Variants in BNC2 observed in about 807,000 individuals in gnomAD.
BNC2 encodes zinc finger protein basonuclin-2.
BNC2 carries 20 observed loss-of-function variants against 76.3 expected under a neutral mutation model. That is an observed-to-expected ratio of 0.26 (90% CI 0.18 to 0.38). BNC2 has a LOEUF of 0.38. BNC2 is among the 10% of genes least tolerant of loss of function. BNC2 has a pLI of 1.00. For missense variants in BNC2, 1,382 were observed against 1,399.8 expected, an observed-to-expected ratio of 0.99 and a Z score of 0.20; for synonymous variants, 582 against 514.8, an observed-to-expected ratio of 1.13 and a Z score of -1.77.
At chr9:16,713,398 G>C (rs969006654) in intron 3 of BNC2, among the ~76,000 whole-genome samples, 1 of 150,466 alleles carries the variant, frequency 6.6e-6, no homozygotes, top group African/African-American at 2.4e-5. Flanking sequence ...ACTGAACTGG[G>C]AAATTTTTCA....
At chr9:16,499,050 G>C (rs894159686) in intron 5 of BNC2, among the ~76,000 whole-genome samples, 1 of 140,732 alleles carries the variant, frequency 7.1e-6, no homozygotes, top group African/African-American at 3.0e-5. Flanking sequence ...GGTATGTTCA[G>C]CACTTACAAC....
chr9:16,659,377 A>T (rs1403139362), intron 3 of BNC2, among the ~76,000 whole-genome samples: 1 of 152,048 alleles, frequency 6.6e-6, no homozygotes, highest in Non-Finnish European at 1.5e-5. Flanking sequence ...TGGGGGGCCG[A>T]GGTGGGCAGA....
At chr9:16,612,265 G>A (rs930390383) in intron 3 of BNC2, among the ~76,000 whole-genome samples, 5 of 151,988 alleles carry the variant, frequency 3.3e-5, no homozygotes, top group African/African-American at 1.2e-4. Flanking sequence ...TAATAGAATG[G>A]GCAACTAATT....
At chr9:16,521,760 A>G (rs1392064268) in intron 5 of BNC2, among the ~76,000 whole-genome samples, 1 of 152,198 alleles carries the variant, frequency 6.6e-6, no homozygotes, top group Non-Finnish European at 1.5e-5. Context: ...GTTAAATTGG[A>G]TTACTGAGTT....
At chr9:16,703,114 G>A (rs1823563758) in intron 3 of BNC2, among the ~76,000 whole-genome samples, 1 of 152,010 alleles carries the variant, frequency 6.6e-6, no homozygotes, top group Non-Finnish European at 1.5e-5. Context: ...TTCCCCTCTT[G>A]GATTATGAAA....
At chr9:16,678,417 G>A (rs1392203184) in intron 3 of BNC2, among the ~76,000 whole-genome samples, 2 of 151,162 alleles carry the variant, frequency 1.3e-5, no homozygotes, top group African/African-American at 2.4e-5. Context: ...ACAGGCACAC[G>A]CCACCATGCC....
chr9:16,566,242 TAA>T (rs1429352542), intron 4 of BNC2, among the ~76,000 whole-genome samples: 1 of 152,164 alleles, frequency 6.6e-6, no homozygotes, highest in East Asian at 1.9e-4. Context: ...ACAAAATCAC[TAA>T]AGAGTGTTGA....
chr9:16,583,407 T>C (rs555938863), intron 3 of BNC2, among the ~76,000 whole-genome samples: 62 of 152,266 alleles, frequency 4.1e-4, no homozygotes, highest in Non-Finnish European at 5.9e-4. Flanking sequence ...AAAAAGTATA[T>C]TGCTGCTAAT....
chr9:16,800,178 T>C (rs1164968943), intron 1 of BNC2, among the ~76,000 whole-genome samples: 4 of 151,392 alleles, frequency 2.6e-5, no homozygotes, highest in Non-Finnish European at 4.4e-5. Context: ...TGAGCCGAGA[T>C]TGCACCACTG....
At chr9:16,757,487 T>C (rs193288228) in intron 1 of BNC2, among the ~76,000 whole-genome samples, 91 of 152,314 alleles carry the variant, frequency 6.0e-4, no homozygotes, top group African/African-American at 2.1e-3. Flanking sequence ...CTGTCGAACA[T>C]GACAGAAATC....
intron 1 of BNC2, among the ~76,000 whole-genome samples, chr9:16,765,522 A>T (rs1928850): frequency 0.91 from 139,105 of 152,190 alleles, 63,600 homozygotes; most frequent in East Asian, 0.99. Context: ...TTAGAAAAGC[A>T]GAAATAATTT....
At chr9:16,681,533 A>C (rs1822821555) in intron 3 of BNC2, among the ~76,000 whole-genome samples, 1 of 152,068 alleles carries the variant, frequency 6.6e-6, no homozygotes, top group African/African-American at 2.4e-5. Flanking sequence ...ACTGCAGGAA[A>C]CTTTCTGGCT....
chr9:16,437,002 C>T lies in BNC2; in HGVS notation c.1192G>A (p.Glu398Lys), dbSNP rs1281294007. The change falls in exon 6 of 7, where the codon GAG becomes AAG. Residue 398 changes from glutamate to lysine, a missense_variant. Physicochemically the swap from Glu to Lys is moderately conservative, Grantham distance 56 (BLOSUM62 1). Around this residue, in one of 3 missense-constraint regions of BNC2, gnomAD observed 557 missense variants for 540.9 expected, o/e 1.03. Transcript: ENST00000380672. ...TSITNVEPKT[E>K]PACVSPIQNS... The stretch of plus-strand genomic sequence containing the variant: ...TGAATGGGAGAGACACAGGCTGGCT[C>T]GGTTTTGGGCTCCACATTAGTAATG... 5 of 1,613,924 alleles carry T rather than the reference C, an allele frequency of 3.1e-6. No homozygotes were observed. Among genetic ancestry groups the T allele is most frequent in the African/African-American group, 1.3e-5 (1 of 74,866 alleles).
chr9:16,456,730 T>C (rs554164150), intron 5 of BNC2, among the ~76,000 whole-genome samples: 1 of 152,140 alleles, frequency 6.6e-6, no homozygotes, highest in African/African-American at 2.4e-5. Flanking sequence ...AAAATGGAGA[T>C]AGACATGAAA....
At chr9:16,716,891 C>T (rs990721940) in intron 3 of BNC2, among the ~76,000 whole-genome samples, 1 of 152,186 alleles carries the variant, frequency 6.6e-6, no homozygotes, top group East Asian at 1.9e-4. Context: ...CACAATCGGA[C>T]TTTAATCCCC....
chr9:16,800,045 G>A (rs1031343738), intron 1 of BNC2, among the ~76,000 whole-genome samples: 38 of 151,742 alleles, frequency 2.5e-4, no homozygotes, highest in Non-Finnish European at 5.0e-4. Flanking sequence ...GACAACATGG[G>A]GAAACCCCAT....
chr9:16,436,952 T>A lies in BNC2; in HGVS notation c.1242A>T (p.Leu414=), dbSNP rs147806419. ...PIQNSAPVSD[L]TKTEHPKSSF... is the part of the protein sequence containing the mutation. ...AGCTTTTTGGGTGTTCAGTTTTGGT[T>A]AGATCACTGACTGGGGCAGAATTCT... Residue 414 remains leucine, a synonymous_variant, in exon 6 of 7, where the codon CTA becomes CTT. Transcript: ENST00000380672. 119 of 1,614,166 alleles carry A rather than the reference T, an allele frequency of 7.4e-5. No homozygotes were observed. In the African/African-American group the frequency reaches 1.4e-3, roughly 20 times the overall value.
chr9:16,703,396 T>C lies in BNC2; in HGVS notation c.330+24401A>G, dbSNP rs371652275. Reference sequence around the variant, plus strand: ...TCCGGAAAAATCACATTTTAAAATGTACAACTAAAAAACAAATCACTAAAA... The same window carrying C: ...TCCGGAAAAATCACATTTTAAAATGCACAACTAAAAAACAAATCACTAAAA... On this transcript the variant is annotated intron_variant, in intron 3 of 6. Transcript: ENST00000380672. Among the ~76,000 whole-genome samples, 17 of 152,040 alleles carry C rather than the reference T, an allele frequency of 1.1e-4. No individual in the cohort carries two copies. The East Asian group carries it at 1.2e-3, about 10-fold the overall frequency.
chr9:16,454,890 T>C (rs1342445544), intron 5 of BNC2, among the ~76,000 whole-genome samples: 1 of 152,222 alleles, frequency 6.6e-6, no homozygotes, highest in Non-Finnish European at 1.5e-5. Flanking sequence ...AAGACCTTGG[T>C]TGAGCCTATG....
Sources: allele counts gnomAD v4.1 joint callset (sites outside exome capture counted in the v4.1 genomes callset), GRCh38; gene constraint gnomAD v4.1.1; regional missense constraint gnomAD v4.1.1; transcripts MANE v1.5; gene names NCBI Gene and HGNC (gene_info 2026-07-23, HGNC 2026-07-21).